The following AKAP9 variants were observed in gnomAD, a reference collection of about 807,000 sequenced individuals.
The protein encoded by AKAP9 is A-kinase anchoring protein 9.
AKAP9 carries 311 observed loss-of-function variants against 488.5 expected under a neutral mutation model. The observed-to-expected ratio is 0.64, with a 90% CI of 0.58 to 0.70. The LOEUF (loss-of-function observed/expected upper bound fraction) is 0.70. Ranked by LOEUF, AKAP9 falls within the 30% of genes least tolerant of loss-of-function variation. The pLI, the probability that AKAP9 is intolerant of heterozygous loss-of-function variation, is 0.00. For missense variants in AKAP9, 4,215 were observed against 4,374.5 expected (o/e 0.96, Z 1.03); for synonymous variants, 1,462 against 1,483.5 (o/e 0.99, Z 0.33).
intron 2 of AKAP9, among the ~76,000 whole-genome samples, chr7:91,976,542 G>A (rs1795718386): frequency 6.6e-6 from 1 of 152,046 alleles, no homozygotes; most frequent in Non-Finnish European, 1.5e-5. Context: ...GTTGAGTTTT[G>A]TTAAATGCTT....
chr7:92,045,926 C>T (rs907873612), intron 21 of AKAP9, among the ~76,000 whole-genome samples: 16 of 151,048 alleles, frequency 1.1e-4, no homozygotes, highest in African/African-American at 3.2e-4. Context: ...CTCTGTCTCC[C>T]GGGTTCAAGC....
rs763613569 is a variant in AKAP9, at chr7:92,079,466, A to C, written c.7333A>C (p.Ser2445Arg). Residue 2445 changes from serine to arginine, a missense_variant, in exon 31 of 50, where the codon AGC becomes CGC. Physicochemically the swap from Ser to Arg is moderately radical, Grantham distance 110 (BLOSUM62 -1). Around this residue, in one of 5 missense-constraint regions of AKAP9, gnomAD observed 1,476 missense variants for 1,477.4 expected, o/e 1.00. Coordinates refer to ENST00000356239, the MANE Select transcript of AKAP9 (RefSeq NM_005751.5). ...RERESVEKIQ[S>R]IPENSVNVAI... ...ACGTGAAAGTGTGGAAAAGATTCAAAGCATACCAGAGAATAGTGTTAACGT... is the reference window on the plus strand; with the variant it reads ...ACGTGAAAGTGTGGAAAAGATTCAACGCATACCAGAGAATAGTGTTAACGT... The C allele has an allele frequency of 6.2e-7, 1 of 1,614,038 alleles. No homozygotes were observed. The highest frequency in any genetic ancestry group is 1.1e-5 in the South Asian group (1 of 91,090).
chr7:91,954,434 A>G (rs1373205313), intron 1 of AKAP9, among the ~76,000 whole-genome samples: 1 of 152,080 alleles, frequency 6.6e-6, no homozygotes, highest in East Asian at 1.9e-4. Context: ...ACAGGTACAC[A>G]CCACCATGCC....
intron 4 of AKAP9, 143 bp downstream of exon 4, chr7:91,992,354 C>A: frequency 4.0e-6 from 3 of 747,124 alleles, no homozygotes; most frequent in South Asian, 1.5e-5. Flanking sequence ...ACAAAGTTAT[C>A]TACCATTTAT....
intron 46 of AKAP9, among the ~76,000 whole-genome samples, chr7:92,104,194 T>A (rs13245131): frequency 0.19 from 21,992 of 115,988 alleles, 1,831 homozygotes; most frequent in East Asian, 0.31. Flanking sequence ...TTATTTATTT[T>A]TTTTTTTTTT....
chr7:92,100,178 A>G, intron 44 of AKAP9: 1 of 317,566 alleles, frequency 3.1e-6, no homozygotes, highest in Non-Finnish European at 6.0e-6. Flanking sequence ...TGTATCTCCA[A>G]AGCCAGATAC....
Position 92,093,177 on chromosome 7 carries a change from G to A in AKAP9, c.9439G>A (p.Ala3147Thr). The A allele has an allele frequency of 1.9e-6, 3 of 1,614,196 alleles. No individual in the cohort carries two copies. Among genetic ancestry groups the A allele is most frequent in the Non-Finnish European group, 2.5e-6 (3 of 1,180,020 alleles). The change falls in exon 39 of 50, where the codon GCA becomes ACA. Residue 3147 changes from alanine (A) to threonine (T), a missense_variant. By Grantham distance (58) the Ala-to-Thr change is moderately conservative. Around this residue, in one of 5 missense-constraint regions of AKAP9, gnomAD observed 1,476 missense variants for 1,477.4 expected, o/e 1.00. Coordinates refer to ENST00000356239, the MANE Select transcript of AKAP9 (RefSeq NM_005751.5). ...QVELSSMKDRATELQEQLSSE... is the reference protein window; with the variant it reads ...QVELSSMKDRTTELQEQLSSE... ...GGAGCTCAGCAGTATGAAAGACAGA[G>A]CAACGGAACTGCAGGAGCAGCTGAG...
rs144391182 is a variant in AKAP9 at position 91,984,694 on chromosome 7, G to A, written c.351+4361G>A. ...AAGTCATTGATAGCTTGATGGGGATGGCATTCGATCTATAAATTACCTTGG... is the reference window on the plus strand; with the variant it reads ...AAGTCATTGATAGCTTGATGGGGATAGCATTCGATCTATAAATTACCTTGG... On this transcript the variant is annotated intron_variant, in intron 3 of 49. Transcript: ENST00000356239. Among the ~76,000 whole-genome samples the A allele has an allele frequency of 3.2e-4, 49 of 151,970 alleles. No homozygotes were observed. The East Asian group carries it at 9.1e-3, about 28-fold the overall frequency.
chr7:92,080,295 ACT>A (rs1326125022), intron 31 of AKAP9, 143 bp downstream of exon 31: 21 of 783,016 alleles, frequency 2.7e-5, no homozygotes, highest in Non-Finnish European at 4.0e-5. Flanking sequence ...TAAAAAATAA[ACT>A]CTTGTTAAAA....
At chr7:91,978,999 A>G (rs1796058737) in intron 2 of AKAP9, among the ~76,000 whole-genome samples, 1 of 145,556 alleles carries the variant, frequency 6.9e-6, no homozygotes, top group Non-Finnish European at 1.5e-5. Context: ...GCAGGTCTCG[A>G]ACTCCTGACC....
chr7:91,989,402 T>C (rs1179134497), intron 3 of AKAP9, among the ~76,000 whole-genome samples: 1 of 152,144 alleles, frequency 6.6e-6, no homozygotes, highest in Non-Finnish European at 1.5e-5. Flanking sequence ...CAAATTAAAT[T>C]ATATGCAGTC....
chr7:91,994,594 A>C, intron 5 of AKAP9, 27 bp from the exon 6 acceptor site: 1 of 1,580,234 alleles, frequency 6.3e-7, no homozygotes, highest in Non-Finnish European at 8.6e-7. Flanking sequence ...AAAAAAAATA[A>C]ATCTAGCACT....
intron 46 of AKAP9, among the ~76,000 whole-genome samples, chr7:92,104,991 G>T (rs1818293812): frequency 1.3e-5 from 2 of 152,154 alleles, no homozygotes; most frequent in African/African-American, 4.8e-5. Context: ...GAGCGGTGTA[G>T]AAGTTGTTAT....
At position 92,001,689 on chromosome 7, in the gene AKAP9, C is replaced by T; in HGVS notation, c.1772C>T (p.Ala591Val). The part of the protein sequence containing the change: ...SRKELELKHE[A>V]EVTNYKIKLE... ...AAGGAACTAGAATTAAAACATGAAG[C>T]AGAAGTTACAAATTACAAGATAAAA... is the stretch of plus-strand genomic sequence containing the variant. The change falls in exon 8 of 50, where the codon GCA becomes GTA. Residue 591 changes from alanine to valine, a missense_variant. Coordinates refer to ENST00000356239, the MANE Select transcript of AKAP9 (RefSeq NM_005751.5). The T allele has an allele frequency of 6.2e-7, 1 of 1,612,270 alleles. No homozygotes were observed. Among genetic ancestry groups the T allele is most frequent in the South Asian group, 1.1e-5 (1 of 90,616 alleles).
rs1454847697 is a variant in AKAP9 at position 91,972,737 on chromosome 7, T to C, written c.49-974T>C. 2.0e-5 allele frequency among the ~76,000 whole-genome samples: 3 copies of C among 152,342 alleles called. No homozygotes were observed. In the East Asian group the frequency reaches 5.8e-4, roughly 29 times the overall value. ...AATTGCAGTTTTTGTACCGACCTAA[T>C]GGAAGCCTCTGTTCTTAAAATAAAT... On this transcript the variant is annotated intron_variant, in intron 1 of 49. Transcript: ENST00000356239.
chr7:92,061,154 G>A, intron 22 of AKAP9, 106 bp from the exon 23 acceptor site: 1 of 1,290,502 alleles, frequency 7.7e-7, no homozygotes, highest in East Asian at 2.5e-5. Flanking sequence ...CAATTCAGTA[G>A]TATATCTTTA....
chr7:92,015,359 G>A (rs1314450728), intron 10 of AKAP9, among the ~76,000 whole-genome samples: 2 of 141,524 alleles, frequency 1.4e-5, no homozygotes, highest in African/African-American at 5.3e-5. Context: ...ATTCTCATGT[G>A]TTAGGAATTT....
At chr7:92,092,777 G>A (rs551137118) in intron 38 of AKAP9, 3 of 272,396 alleles carry the variant, frequency 1.1e-5, no homozygotes, top group Admixed American at 9.8e-5. Flanking sequence ...CTCCTGAGTC[G>A]ATGGGACTAC....
chr7:92,089,684 T>C (rs747759386), intron 38 of AKAP9, 155 bp downstream of exon 38: 122 of 865,152 alleles, frequency 1.4e-4, no homozygotes, highest in Non-Finnish European at 2.1e-4. Flanking sequence ...TTAATTACTC[T>C]AGGGGTTAGA....
Sources: allele counts gnomAD v4.1 joint callset (sites outside exome capture counted in the v4.1 genomes callset), GRCh38; gene constraint gnomAD v4.1.1; regional missense constraint gnomAD v4.1.1; transcripts MANE v1.5; gene names NCBI Gene and HGNC (gene_info 2026-07-23, HGNC 2026-07-21).